MFN2: variants seen among roughly 807,000 people sequenced by gnomAD.
MFN2 encodes mitofusin-2.
MFN2 carries 43 observed loss-of-function variants against 87.5 expected under a neutral mutation model. That is an observed-to-expected ratio of 0.49 (90% confidence interval 0.38 to 0.63). The LOEUF is 0.63. MFN2 is among the 30% of genes least tolerant of loss of function. The pLI, the probability that MFN2 is intolerant of heterozygous loss-of-function variation, is 0.00. For synonymous variants in MFN2, 337 were observed against 359.9 expected (o/e 0.94, Z 0.72); for missense variants, 743 against 972.8 (o/e 0.76, Z 3.14).
At chr1:11,996,111 G>T (rs767448964) in intron 4 of MFN2, 45 bp from the exon 5 acceptor site, 2 of 1,613,188 alleles carry the variant, frequency 1.2e-6, no homozygotes, top group South Asian at 2.2e-5. Flanking sequence ...AAGTAATTCA[G>T]GTCAGATACT....
At chr1:11,999,195 G>C (rs1195525934) in intron 8 of MFN2, 100 bp downstream of exon 8, 3 of 962,190 alleles carry the variant, frequency 3.1e-6, no homozygotes, top group Non-Finnish European at 5.1e-6. Context: ...TGACTTCCCT[G>C]AATTAATTTT....
intron 8 of MFN2, among the ~76,000 whole-genome samples, chr1:11,999,814 G>T (rs2100834633): frequency 6.6e-6 from 1 of 152,142 alleles, no homozygotes; most frequent in East Asian, 2.0e-4. Flanking sequence ...TAAAGGGTAG[G>T]CCGGGCGCGG....
At position 11,993,303 on chromosome 1, in the gene MFN2, C is replaced by T. The variant is rs559755133; in HGVS notation, c.311+613C>T. Among the ~76,000 whole-genome samples, 6 of 151,392 alleles carry T rather than the reference C, an allele frequency of 4.0e-5. No individual in the cohort carries two copies. In the South Asian group the frequency reaches 1.3e-3, roughly 32 times the overall value. ...ATGAATTTAATACACGTGTTCTTAA[C>T]AATTGTGCTTGTATTGTTCATGAAA... On this transcript the variant is annotated intron_variant, in intron 4 of 18. Transcript: ENST00000235329.
chr1:11,987,151 TAAA>T (rs557706142), intron 2 of MFN2, among the ~76,000 whole-genome samples: 1 of 144,822 alleles, frequency 6.9e-6, no homozygotes, highest in East Asian at 2.1e-4. Flanking sequence ...CTACGAAAAA[TAAA>T]AAAATTAGCT....
intron 2 of MFN2, among the ~76,000 whole-genome samples, chr1:11,983,701 A>G (rs1487601620): frequency 6.6e-6 from 1 of 152,206 alleles, no homozygotes; most frequent in Admixed American, 6.6e-5. Context: ...GTAGGGAGTC[A>G]GCAGTCAAAG....
intron 14 of MFN2, among the ~76,000 whole-genome samples, chr1:12,005,469 C>G (rs1337624428): frequency 6.6e-6 from 1 of 152,238 alleles, no homozygotes; most frequent in South Asian, 2.1e-4. Context: ...GGGCCTGCTC[C>G]TTTAAGTCCA....
At chr1:11,997,879 C>CT (rs768355266) in intron 6 of MFN2, among the ~76,000 whole-genome samples, 2,670 of 95,720 alleles carry the variant, frequency 0.028, 329 homozygotes, top group African/African-American at 0.093. Context: ...TGTATATCAT[C>CT]TTTTTTTTTT....
rs1553139243 is a variant in MFN2 at position 11,981,918 on chromosome 1, G to GTATTTTTTTTTT, written c.-149-51_-149-50insATTTTTTTTTTT. The GTATTTTTTTTTT allele has an allele frequency of 6.0e-5, 4 of 66,818 alleles. No homozygotes were observed. In the East Asian group the frequency reaches 1.8e-3, roughly 30 times the overall value. The allele number at this position is 66,818 out of a possible 1,614,324, so 4.1% of individuals were successfully genotyped here. On this transcript the variant is annotated intron_variant, in intron 1 of 18. Transcript: ENST00000235329. The stretch of plus-strand genomic sequence containing the variant: ...CTGATTAGACATGTTTTGTACACCA[G>GTATTTTTTTTTT]TGTTTTTTTTTTTTGGACACCGGAT...
intron 2 of MFN2, among the ~76,000 whole-genome samples, chr1:11,987,424 G>A (rs1262740875): frequency 2.0e-5 from 3 of 151,732 alleles, no homozygotes; most frequent in Non-Finnish European, 4.4e-5. Flanking sequence ...GAGGTCAGGA[G>A]TTCAAGACCT....
chr1:11,990,229 G>A (rs1638617564), intron 3 of MFN2, among the ~76,000 whole-genome samples: 1 of 152,208 alleles, frequency 6.6e-6, no homozygotes, highest in South Asian at 2.1e-4. Flanking sequence ...GCTGCTACAC[G>A]AGGCTCCCTT....
In MFN2 at chr1:12,013,497, A is replaced by G; in HGVS notation, c.*1932A>G. ...AATATTGGAAACTAAAATAAAACCT[A>G]GTTGGAAATCCTTTGTGAGATCTGT... On this transcript the variant is annotated 3_prime_UTR_variant, in exon 19 of 19. Transcript: ENST00000235329. 1 of 385,126 alleles carries G rather than the reference A, an allele frequency of 2.6e-6. No homozygotes were observed. The highest frequency in any genetic ancestry group is 5.3e-6 in the Non-Finnish European group (1 of 188,164). The allele number at this position is 385,126 out of a possible 1,614,324, so 23.9% of individuals were successfully genotyped here. A position where few individuals can be genotyped will look rare whatever the true frequency, so the allele number is the denominator to read the frequency against.
intron 15 of MFN2, 145 bp from the exon 16 acceptor site, chr1:12,006,393 C>T (rs1639417803): frequency 9.1e-7 from 1 of 1,093,162 alleles, no homozygotes. Context: ...TCTGCTACAT[C>T]TGAAGCTAGT....
In MFN2 at chr1:11,990,891, G is replaced by A. The variant is rs535563052; in HGVS notation, c.175+1548G>A. On this transcript the variant is annotated intron_variant, in intron 3 of 18. Coordinates refer to ENST00000235329, the MANE Select transcript of MFN2 (RefSeq NM_014874.4). Reference sequence around the variant, plus strand: ...ACATAGCGGGAGGGGAGATGGGGGTGTTGTTGACTTGGTCATTTCCTTTCA... The same window carrying A: ...ACATAGCGGGAGGGGAGATGGGGGTATTGTTGACTTGGTCATTTCCTTTCA... 5.4e-4 allele frequency among the ~76,000 whole-genome samples: 83 copies of A among 152,362 alleles called. 2 individuals carry two copies. In the South Asian group the frequency reaches 0.017, roughly 31 times the overall value.
At chr1:12,000,127 T>C (rs1639108307) in intron 8 of MFN2, among the ~76,000 whole-genome samples, 1 of 151,740 alleles carries the variant, frequency 6.6e-6, no homozygotes, top group Non-Finnish European at 1.5e-5. Context: ...TAAAGGGTAA[T>C]AAGATTGATA....
At chr1:11,986,443 T>C (rs1638408964) in intron 2 of MFN2, among the ~76,000 whole-genome samples, 1 of 152,138 alleles carries the variant, frequency 6.6e-6, no homozygotes, top group Non-Finnish European at 1.5e-5. Context: ...CCTTTGCCCT[T>C]TGACTTCCTG....
chr1:12,011,645 G>T lies in MFN2; in HGVS notation c.*80G>T, dbSNP rs111806773. On this transcript the variant is annotated 3_prime_UTR_variant, in exon 19 of 19. Transcript: ENST00000235329. Reference sequence around the variant, plus strand: ...GCCATGTGGGCTCCCCCAGGGGCACGTGTGGCTCCTGCCCCCTGGCCACTG... The same window carrying T: ...GCCATGTGGGCTCCCCCAGGGGCACTTGTGGCTCCTGCCCCCTGGCCACTG... 11 of 1,469,982 alleles carry T rather than the reference G, an allele frequency of 7.5e-6. No individual in the cohort carries two copies. Among genetic ancestry groups the T allele is most frequent in the Non-Finnish European group, 1.0e-5 (11 of 1,053,080 alleles). 91.1% of individuals were successfully genotyped at this position (1,469,982 alleles called of 1,614,324 possible).
At chr1:11,983,098 C>G (rs948152654) in intron 2 of MFN2, among the ~76,000 whole-genome samples, 5 of 151,910 alleles carry the variant, frequency 3.3e-5, no homozygotes, top group Non-Finnish European at 7.4e-5. Context: ...GCTCTGTCAC[C>G]CAGGCTGGAG....
chr1:12,006,513 A>G (rs1411254339), intron 15 of MFN2, 25 bp from the exon 16 acceptor site: 25 of 1,613,270 alleles, frequency 1.5e-5, no homozygotes, highest in Non-Finnish European at 2.0e-5. Flanking sequence ...CGTCCCCCTC[A>G]CCCCTCTCAT....
At chr1:11,988,739 C>T (rs1638541095) in intron 2 of MFN2, among the ~76,000 whole-genome samples, 1 of 152,194 alleles carries the variant, frequency 6.6e-6, no homozygotes, top group African/African-American at 2.4e-5. Context: ...CTCGCCCTGT[C>T]ACCCAGGCTG....
Sources: gnomAD v4.1 joint callset for allele counts (sites outside exome capture counted in the v4.1 genomes callset) on GRCh38, gnomAD v4.1.1 for gene constraint, MANE v1.5 for transcripts, NCBI Gene and HGNC (gene_info 2026-07-23, HGNC 2026-07-21) for gene names.